Variants in ZMYND15 observed in about 807,000 individuals in gnomAD.
The protein encoded by ZMYND15 is zinc finger MYND-type containing 15.
In ZMYND15, 54 loss-of-function variants were observed where a neutral mutation model predicts 81.7. The ratio of observed to expected loss-of-function variants is 0.66; its 90% CI spans 0.53 to 0.83. The LOEUF is 0.83. Among genes scored for constraint, ZMYND15 ranks in the 40% least tolerant of loss-of-function variants. The probability of loss-of-function intolerance (pLI) is 0.00; values close to 1 mark genes in which losing one functional copy is unlikely to be tolerated. For missense variants in ZMYND15, 925 were observed against 973.5 expected (o/e 0.95, Z 0.66); for synonymous variants, 399 against 387.0 (o/e 1.03, Z -0.36).
chr17:4,744,933 G>A lies in ZMYND15; in HGVS notation c.1896+5G>A. The A allele has an allele frequency of 6.2e-7, 1 of 1,614,076 alleles. No individual in the cohort carries two copies. The stretch of plus-strand genomic sequence containing the variant: ...AGGTCTCTGCCCCGGTTACAGGTGG[G>A]CAATGGGGGCAAAAGGGAACTTCTC... On this transcript the variant is annotated splice_donor_5th_base_variant and intron_variant, in intron 12 of 13. Transcript: ENST00000433935. This position sits in a 1 kb window ranked among gnomAD's most constrained non-coding sequence, Gnocchi z 4.1.
Position 4,743,733 on chromosome 17 carries a change from TG to T in ZMYND15, c.1298-33del. On this transcript the variant is annotated intron_variant, in intron 6 of 13. Transcript: ENST00000433935. The surrounding 1 kb of genome is among the most constrained non-coding windows in gnomAD (Gnocchi z 4.3). ...GAGATGGGTCAGGTGGGGGTCTCCC[TG>T]ACCCCAGGCCCCTCCTTCTTTCATC... 6.3e-7 allele frequency: 1 copy of T among 1,591,260 alleles called. No individual in the cohort carries two copies. The highest frequency in any genetic ancestry group is 8.6e-7 in the Non-Finnish European group (1 of 1,167,466).
Position 4,743,943 on chromosome 17 carries a change from G to A in ZMYND15, c.1379-48G>A, listed in dbSNP as rs75522721. On this transcript the variant is annotated intron_variant, in intron 7 of 13. Transcript: ENST00000433935. This position sits in a 1 kb window ranked among gnomAD's most constrained non-coding sequence, Gnocchi z 4.3. ...TGAAGAAGAGGTTTGTTAGACTAGA[G>A]GGGGTGGGGGTCCAGGGCCAGGTCC... 1.1e-3 allele frequency: 1,795 copies of A among 1,561,176 alleles called. 24 individuals carry two copies. The African/African-American group carries it at 0.021, about 19-fold the overall frequency.
chr17:4,742,170 G>T, intron 4 of ZMYND15, 100 bp downstream of exon 4: 1 of 1,560,292 alleles, frequency 6.4e-7, no homozygotes, highest in Non-Finnish European at 8.7e-7. Context: ...GAGAGGCAGG[G>T]ACATGAGAAG....
Position 4,743,620 on chromosome 17 carries a change from C to A in ZMYND15, c.1298-147C>A. 1 of 1,285,356 alleles carries A rather than the reference C, an allele frequency of 7.8e-7. No homozygotes were observed. Among genetic ancestry groups the A allele is most frequent in the Non-Finnish European group, 1.1e-6 (1 of 940,810 alleles). The allele number at this position is 1,285,356 out of a possible 1,614,324, so 79.6% of individuals were successfully genotyped here. ...CCCTCAATGGAATCACCCCTACCAA[C>A]TCCACCCAGAAACCCCATCCCTATG... On this transcript the variant is annotated intron_variant, in intron 6 of 13. Transcript: ENST00000433935. This position sits in a 1 kb window ranked among gnomAD's most constrained non-coding sequence, Gnocchi z 4.3.
At chr17:4,741,265 T>A in intron 2 of ZMYND15, 125 bp downstream of exon 2, 1 of 1,118,848 alleles carries the variant, frequency 8.9e-7, no homozygotes, top group Non-Finnish European at 1.2e-6. Context: ...GTGTTTTTAT[T>A]GACCCACAGT....
chr17:4,744,287 C>A lies in ZMYND15; in HGVS notation c.1584+9C>A. On this transcript the variant is annotated intron_variant, in intron 9 of 13. Coordinates refer to ENST00000433935, the MANE Select transcript of ZMYND15 (RefSeq NM_001136046.3). This position sits in a 1 kb window ranked among gnomAD's most constrained non-coding sequence, Gnocchi z 4.1. ...TTGTCATGGTGTTTTGGGTAAGTCA[C>A]CCCAGGCCTGAAGGTTGGGCATTTT... 1.4e-5 allele frequency: 22 copies of A among 1,614,094 alleles called. No homozygotes were observed. Among genetic ancestry groups the A allele is most frequent in the Non-Finnish European group, 1.9e-5 (22 of 1,179,982 alleles).
In ZMYND15 at chr17:4,743,811, C is replaced by T. The variant is rs1179416499; in HGVS notation, c.1342C>T (p.Pro448Ser). ...CCAGGGAGACGGGACTGCCCTGATG[C>T]CTCCTGTGCCCCCACATCCACCCCG... ...LLQGDGTALM[P>S]PVPPHPPRGV... The change falls in exon 7 of 14, where the codon CCT (proline) becomes TCT (serine). Residue 448 changes from proline (P) to serine (S), a missense_variant. Transcript: ENST00000433935. The surrounding 1 kb of genome is among the most constrained non-coding windows in gnomAD (Gnocchi z 4.3). The T allele has an allele frequency of 1.2e-6, 2 of 1,614,082 alleles. No homozygotes were observed. The highest frequency in any genetic ancestry group is 1.1e-5 in the South Asian group (1 of 91,068).
chr17:4,740,414 A>G (rs947905459), intron 1 of ZMYND15, 105 bp from the exon 2 acceptor site: 4 of 1,394,768 alleles, frequency 2.9e-6, no homozygotes, highest in Admixed American at 3.1e-5. Flanking sequence ...CACGGATCCA[A>G]CCCTAAGTGA....
chr17:4,743,349 G>GGGCCTCACTCGT lies in ZMYND15; in HGVS notation c.1195_1206dup (p.Leu399_Gly402dup). 1 of 1,614,046 alleles carries GGGCCTCACTCGT rather than the reference G, an allele frequency of 6.2e-7. No homozygotes were observed. The highest frequency in any genetic ancestry group is 8.5e-7 in the Non-Finnish European group (1 of 1,180,010). On this transcript the variant is annotated inframe_insertion, in exon 6 of 14. Coordinates refer to ENST00000433935, the MANE Select transcript of ZMYND15 (RefSeq NM_001136046.3). The surrounding 1 kb of genome is among the most constrained non-coding windows in gnomAD (Gnocchi z 4.3). ...ACAAAGAGGCCTTCCTGGCCTCTCGGGGCCTCACTCGTGGCTATTGGACCC... is the reference window on the plus strand; with the variant it reads ...ACAAAGAGGCCTTCCTGGCCTCTCGGGGCCTCACTCGTGGCCTCACTCGTGGCTATTGGACCC...
rs199540714 is a variant in ZMYND15, at chr17:4,742,450, G to A, written c.1103G>A (p.Arg368Gln). The A allele has an allele frequency of 2.3e-5, 37 of 1,614,126 alleles. No homozygotes were observed. The East Asian group carries it at 3.3e-4, about 15-fold the overall frequency. ...WCPRLAAFME[R>Q]AGELATLPFT... ...CCAAGGCTTGCAGCCTTCATGGAGC[G>A]GGCAGGAGAACTGGCAACCCTGCCT... Residue 368 changes from arginine (R) to glutamine (Q), a missense_variant, in exon 5 of 14, where the codon CGG (arginine) becomes CAG (glutamine). Arg to Gln is a conservative substitution (Grantham distance 43, BLOSUM62 1). Coordinates refer to ENST00000433935, the MANE Select transcript of ZMYND15 (RefSeq NM_001136046.3).
At chr17:4,742,207 AC>A (rs968344540) in intron 4 of ZMYND15, 123 bp from the exon 5 acceptor site, 2 of 1,535,380 alleles carry the variant, frequency 1.3e-6, no homozygotes, top group African/African-American at 2.7e-5. Flanking sequence ...ACAGACTGTT[AC>A]AGGCGGTTAG....
chr17:4,744,078 A>G lies in ZMYND15; in HGVS notation c.1466A>G (p.Tyr489Cys), dbSNP rs529617014. Residue 489 changes from tyrosine (Y) to cysteine (C), a missense_variant, in exon 8 of 14, where the codon TAC becomes TGC. Coordinates refer to ENST00000433935, the MANE Select transcript of ZMYND15 (RefSeq NM_001136046.3). The surrounding 1 kb of genome is among the most constrained non-coding windows in gnomAD (Gnocchi z 4.1). ...CTCACCTACCCGCTGACCGTGTACT[A>G]CGTCATCACCCACCTGGTGCCCCAG... ...VLLTYPLTVY[Y>C]VITHLVPQSF... is the part of the protein sequence containing the mutation. 2.5e-6 allele frequency: 4 copies of G among 1,575,114 alleles called. No homozygotes were observed. Among genetic ancestry groups the G allele is most frequent in the South Asian group, 1.1e-5 (1 of 87,376 alleles).
chr17:4,744,961 C>T lies in ZMYND15; in HGVS notation c.1896+33C>T. Reference sequence around the variant, plus strand: ...ATGGGGGCAAAAGGGAACTTCTCTCCCCTCCTGCCTGGCCCCTCCCCATCT... The same window carrying T: ...ATGGGGGCAAAAGGGAACTTCTCTCTCCTCCTGCCTGGCCCCTCCCCATCT... On this transcript the variant is annotated intron_variant, in intron 12 of 13. Coordinates refer to ENST00000433935, the MANE Select transcript of ZMYND15 (RefSeq NM_001136046.3). This position sits in a 1 kb window ranked among gnomAD's most constrained non-coding sequence, Gnocchi z 4.1. 1.9e-6 allele frequency: 3 copies of T among 1,613,280 alleles called. No individual in the cohort carries two copies. The highest frequency in any genetic ancestry group is 2.5e-6 in the Non-Finnish European group (3 of 1,179,268).
At position 4,743,163 on chromosome 17, in the gene ZMYND15, C is replaced by G. The variant is rs1597282668; in HGVS notation, c.1145-140C>G. ...CTGAGGTGGGAGAATCGTTTGAGTC[C>G]AAGAGGTCGAGGCTGTAGTGTCCCG... On this transcript the variant is annotated intron_variant, in intron 5 of 13. Transcript: ENST00000433935. This position sits in a 1 kb window ranked among gnomAD's most constrained non-coding sequence, Gnocchi z 4.3. 22 of 986,372 alleles carry G rather than the reference C, an allele frequency of 2.2e-5. No homozygotes were observed. In the East Asian group the frequency reaches 5.5e-4, roughly 25 times the overall value. The allele number at this position is 986,372 out of a possible 1,614,324, so 61.1% of individuals were successfully genotyped here.
At position 4,740,666 on chromosome 17, in the gene ZMYND15, T is replaced by G. The variant is rs750169054; in HGVS notation, c.118T>G (p.Cys40Gly). ...TGTAGGGACTAGCCTTGAGGGCCGC[T>G]GCCGGCAGCTGGAGGCCCAGATCAG... is the stretch of plus-strand genomic sequence containing the variant. The part of the protein sequence containing the change: ...GAVGTSLEGR[C>G]RQLEAQIRRL... The change falls in exon 2 of 14, where the codon TGC becomes GGC. Residue 40 changes from cysteine to glycine, a missense_variant. Transcript: ENST00000433935. 7 of 1,614,090 alleles carry G rather than the reference T, an allele frequency of 4.3e-6. No homozygotes were observed. The Admixed American group carries it at 5.0e-5, about 12-fold the overall frequency.
At position 4,745,831 on chromosome 17, in the gene ZMYND15, C is replaced by A. The variant is rs1278445528; in HGVS notation, c.2070C>A (p.Ala690=). The stretch of plus-strand genomic sequence containing the variant: ...CGCGCCCCCGCAGGTACTGCAATGC[C>A]TTCATCTTCCACCTGGTTTACAAGC... ...ADNCMSWYCN[A]FIFHLVYKPA... Residue 690 remains alanine, a synonymous_variant, in exon 14 of 14, where the codon GCC becomes GCA. Transcript: ENST00000433935. This position sits in a 1 kb window ranked among gnomAD's most constrained non-coding sequence, Gnocchi z 5.2. 1.2e-6 allele frequency: 2 copies of A among 1,601,316 alleles called. No individual in the cohort carries two copies. The highest frequency in any genetic ancestry group is 2.7e-5 in the African/African-American group (2 of 73,374).
Position 4,745,830 on chromosome 17 carries a change from C to G in ZMYND15, c.2069C>G (p.Ala690Gly), listed in dbSNP as rs777031749. The G allele has an allele frequency of 6.2e-7, 1 of 1,601,214 alleles. No individual in the cohort carries two copies. Among genetic ancestry groups the G allele is most frequent in the African/African-American group, 1.4e-5 (1 of 73,468 alleles). ...CCGCGCCCCCGCAGGTACTGCAATG[C>G]CTTCATCTTCCACCTGGTTTACAAG... is the stretch of plus-strand genomic sequence containing the variant. ...ADNCMSWYCN[A>G]FIFHLVYKPA... The change falls in exon 14 of 14, where the codon GCC (alanine) becomes GGC (glycine). Residue 690 changes from alanine to glycine, a missense_variant. Physicochemically the swap from Ala to Gly is moderately conservative, Grantham distance 60. Coordinates refer to ENST00000433935, the MANE Select transcript of ZMYND15 (RefSeq NM_001136046.3). This position sits in a 1 kb window ranked among gnomAD's most constrained non-coding sequence, Gnocchi z 5.2.
chr17:4,743,517 G>C lies in ZMYND15; in HGVS notation c.1297+62G>C. On this transcript the variant is annotated intron_variant, in intron 6 of 13. Transcript: ENST00000433935. This position sits in a 1 kb window ranked among gnomAD's most constrained non-coding sequence, Gnocchi z 4.3. ...TAGAGGGAAGGACTGGGAAGAAGTT[G>C]TCTGGGTCCCAGATGATCCCTCCAC... 5.0e-6 allele frequency: 8 copies of C among 1,595,698 alleles called. No individual in the cohort carries two copies. The highest frequency in any genetic ancestry group is 6.8e-6 in the Non-Finnish European group (8 of 1,172,710).
At chr17:4,741,395 G>A (rs1264833042) in intron 2 of ZMYND15, among the ~76,000 whole-genome samples, 187 bp from the exon 3 acceptor site, 1 of 152,036 alleles carries the variant, frequency 6.6e-6, no homozygotes, top group Non-Finnish European at 1.5e-5. Flanking sequence ...ATTTCTGCAT[G>A]GCAGCGCATT....
Sources: gnomAD v4.1 joint callset for allele counts (sites outside exome capture counted in the v4.1 genomes callset) on GRCh38, gnomAD v4.1.1 for gene constraint, Gnocchi (gnomAD v3.1) non-coding constraint, MANE v1.5 for transcripts, NCBI Gene and HGNC (gene_info 2026-07-23, HGNC 2026-07-21) for gene names.